The following COL26A1 variants were observed in gnomAD, a reference collection of about 807,000 sequenced individuals.
The protein encoded by COL26A1 is collagen alpha-1(XXVI) chain.
A neutral mutation model predicts 59.3 loss-of-function variants in COL26A1; 41 were observed. That is an observed-to-expected ratio of 0.69 (90% confidence interval 0.54 to 0.90). COL26A1 has a LOEUF of 0.90. Ranked by LOEUF, COL26A1 falls within the 40% of genes least tolerant of loss-of-function variation. The pLI, the probability that COL26A1 is intolerant of heterozygous loss-of-function variation, is 0.00. For missense variants in COL26A1, 612 were observed against 602.3 expected (o/e 1.02, Z -0.17); for synonymous variants, 266 against 256.0 (o/e 1.04, Z -0.37).
chr7:101,555,933 T>A, intron 12 of COL26A1, 62 bp downstream of exon 12: 1 of 1,387,516 alleles, frequency 7.2e-7, no homozygotes, highest in Non-Finnish European at 1.0e-6. Flanking sequence ...CTCCCAATGC[T>A]GCCCTCATGG....
chr7:101,404,903 AAAAT>A lies in COL26A1; in HGVS notation c.159-15062_159-15059del, dbSNP rs200178585. ...GGTCACAGAGTGAGATTTTGTCTCC[AAAAT>A]AAATAAATAAACAAATAAATAATTG... On this transcript the variant is annotated intron_variant, in intron 1 of 12. Transcript: ENST00000313669. Among the ~76,000 whole-genome samples the A allele has an allele frequency of 2.6e-4, 40 of 151,116 alleles. 2 individuals are homozygous for A. Among genetic ancestry groups the A allele is most frequent in the African/African-American group, 7.3e-4 (30 of 41,114 alleles).
chr7:101,558,443 G>A lies in COL26A1; in HGVS notation c.*913G>A, dbSNP rs1324023964. ...GCATTTCATGGGCATGTCTATCAGA[G>A]GTGGGACTTGCAGCCTCTGCCCCAC... On this transcript the variant is annotated 3_prime_UTR_variant, in exon 13 of 13. Coordinates refer to ENST00000313669, the MANE Select transcript of COL26A1 (RefSeq NM_001278563.3). 6.6e-6 allele frequency: 1 copy of A among 152,278 alleles called. No individual in the cohort carries two copies. The highest frequency in any genetic ancestry group is 1.9e-4 in the East Asian group (1 of 5,196). 9.4% of individuals were successfully genotyped at this position (152,278 alleles called of 1,614,324 possible). A position where few individuals can be genotyped will look rare whatever the true frequency, so the allele number is the denominator to read the frequency against.
intron 1 of COL26A1, among the ~76,000 whole-genome samples, chr7:101,396,452 CA>C (rs1791856642): frequency 6.6e-6 from 1 of 151,988 alleles, no homozygotes; most frequent in Non-Finnish European, 1.5e-5. Flanking sequence ...CTGACAATTC[CA>C]GAGCTGTTAA....
chr7:101,385,367 G>GTATATATATATATATATATA lies in COL26A1; in HGVS notation c.158+22196_158+22197insATATATATATATATATATAT, dbSNP rs373941775. ...TATATATATGTGTATATATATGTGT[G>GTATATATATATATATATATA]TATATATATATATATATATTTGTGA... On this transcript the variant is annotated intron_variant, in intron 1 of 12. Transcript: ENST00000313669. Among the ~76,000 whole-genome samples, 1,062 of 136,902 alleles carry GTATATATATATATATATATA rather than the reference G, an allele frequency of 7.8e-3. 22 individuals carry two copies. Among genetic ancestry groups the GTATATATATATATATATATA allele is most frequent in the Non-Finnish European group, 0.011 (698 of 61,182 alleles). 89.8% of individuals were successfully genotyped at this position (136,902 alleles called of 152,430 possible). A position where few individuals can be genotyped will look rare whatever the true frequency, so the allele number is the denominator to read the frequency against.
chr7:101,487,670 A>G (rs965614910), intron 3 of COL26A1, among the ~76,000 whole-genome samples: 7 of 151,716 alleles, frequency 4.6e-5, no homozygotes, highest in Non-Finnish European at 1.0e-4. Flanking sequence ...ACCCTCGGCC[A>G]CTCTGGCCAC....
chr7:101,508,665 C>A (rs896907366), intron 3 of COL26A1, among the ~76,000 whole-genome samples: 1 of 152,048 alleles, frequency 6.6e-6, no homozygotes, highest in African/African-American at 2.4e-5. Context: ...TTACAGGAAC[C>A]CTCAGAGGAT....
At chr7:101,384,728 A>G (rs1445705435) in intron 1 of COL26A1, among the ~76,000 whole-genome samples, 1 of 152,170 alleles carries the variant, frequency 6.6e-6, no homozygotes, top group Non-Finnish European at 1.5e-5. Context: ...GTATATATGA[A>G]AGGGAGTTGA....
At position 101,385,879 on chromosome 7, in the gene COL26A1, T is replaced by G. The variant is rs919066649; in HGVS notation, c.158+22689T>G. Among the ~76,000 whole-genome samples the G allele has an allele frequency of 2.6e-5, 4 of 151,868 alleles. No homozygotes were observed. The East Asian group carries it at 7.8e-4, about 30-fold the overall frequency. On this transcript the variant is annotated intron_variant, in intron 1 of 12. Coordinates refer to ENST00000313669, the MANE Select transcript of COL26A1 (RefSeq NM_001278563.3). ...ACCACCACGCCCGGCTAATTTTTTG[T>G]ATTTTTAGTAGAGACCGGATGTTAG...
chr7:101,447,862 TC>T (rs1316333485), intron 3 of COL26A1, 75 bp downstream of exon 3: 2 of 867,418 alleles, frequency 2.3e-6, no homozygotes, highest in Non-Finnish European at 3.8e-6. Flanking sequence ...TCTGGCCTCC[TC>T]CTGCAAGCAG....
At chr7:101,384,005 C>A (rs1791507298) in intron 1 of COL26A1, among the ~76,000 whole-genome samples, 1 of 140,368 alleles carries the variant, frequency 7.1e-6, no homozygotes, top group Non-Finnish European at 1.5e-5. Context: ...ATATTTTTTG[C>A]AAGTTTGTTT....
Position 101,465,069 on chromosome 7 carries a change from A to T in COL26A1, c.385+17282A>T, listed in dbSNP as rs1249553613. ...TTTTTTTTTGTTGGGACAGAGTCTC[A>T]TTCTGTTGCCCAGGCTGGAATGTGG... is the stretch of plus-strand genomic sequence containing the variant. On this transcript the variant is annotated intron_variant, in intron 3 of 12. Coordinates refer to ENST00000313669, the MANE Select transcript of COL26A1 (RefSeq NM_001278563.3). 6.7e-4 allele frequency among the ~76,000 whole-genome samples: 88 copies of T among 130,502 alleles called. 1 individual carries two copies. Among genetic ancestry groups the T allele is most frequent in the African/African-American group, 2.3e-3 (77 of 33,876 alleles). The allele number at this position is 130,502 out of a possible 152,430, so 85.6% of individuals were successfully genotyped here. A position where few individuals can be genotyped will look rare whatever the true frequency, so the allele number is the denominator to read the frequency against.
rs982332664 is a variant in COL26A1, at chr7:101,558,706, C to G, written c.*1176C>G. The G allele has an allele frequency of 1.3e-5, 2 of 152,210 alleles. No homozygotes were observed. The highest frequency in any genetic ancestry group is 2.4e-5 in the African/African-American group (1 of 41,434). The allele number at this position is 152,210 out of a possible 1,614,324, so 9.4% of individuals were successfully genotyped here. ...TCAAGGCCTCTGGGGCCAGGGTCTC[C>G]GTGATCAGCTCAGCCCTGGTGTTCC... On this transcript the variant is annotated 3_prime_UTR_variant, in exon 13 of 13. Coordinates refer to ENST00000313669, the MANE Select transcript of COL26A1 (RefSeq NM_001278563.3).
Position 101,533,161 on chromosome 7 carries a change from G to T in COL26A1, c.447+18G>T. ...AGGCCAAGGTCAGTCGGGCTGGGGA[G>T]TCTGGGCCTGGGGAGCTGCCTGGGG... On this transcript the variant is annotated intron_variant, in intron 4 of 12. Transcript: ENST00000313669. 3 of 1,586,408 alleles carry T rather than the reference G, an allele frequency of 1.9e-6. No homozygotes were observed.
At chr7:101,550,641 TG>T (rs970564259) in intron 9 of COL26A1, among the ~76,000 whole-genome samples, 316 of 147,810 alleles carry the variant, frequency 2.1e-3, no homozygotes, top group African/African-American at 8.0e-3. Context: ...GGCTTCGGGA[TG>T]GGGGGCACCA....
At chr7:101,482,056 AC>A (rs1293128406) in intron 3 of COL26A1, among the ~76,000 whole-genome samples, 1 of 150,536 alleles carries the variant, frequency 6.6e-6, no homozygotes, top group Non-Finnish European at 1.5e-5. Context: ...TCACTCTGTC[AC>A]CCAGGCTGGA....
intron 2 of COL26A1, among the ~76,000 whole-genome samples, chr7:101,433,972 A>G (rs1430572101): frequency 6.6e-6 from 1 of 151,506 alleles, no homozygotes; most frequent in Non-Finnish European, 1.5e-5. Context: ...GTGAGATGAA[A>G]GGAAAATAGG....
Position 101,448,186 on chromosome 7 carries a change from C to T in COL26A1, c.385+399C>T, listed in dbSNP as rs117140738. On this transcript the variant is annotated intron_variant, in intron 3 of 12. Transcript: ENST00000313669. ...GATGAGGTCCCACCAGCCTTGAGGC[C>T]ACGTATTTTGTAGACTGAGACAGAG... Among the ~76,000 whole-genome samples, 379 of 152,334 alleles carry T rather than the reference C, an allele frequency of 2.5e-3. 8 individuals are homozygous for T. The East Asian group carries it at 0.049, about 20-fold the overall frequency.
At chr7:101,455,503 C>CTTTTTTTTTTTTTT (rs10690062) in intron 3 of COL26A1, among the ~76,000 whole-genome samples, 1 of 116,566 alleles carries the variant, frequency 8.6e-6, no homozygotes, top group Non-Finnish European at 1.7e-5. Context: ...CTTTTCTTTT[C>CTTTTTTTTTTTTTT]TTTTTTTTTT....
chr7:101,492,337 A>G (rs1467688508), intron 3 of COL26A1, among the ~76,000 whole-genome samples: 1 of 152,126 alleles, frequency 6.6e-6, no homozygotes, highest in Non-Finnish European at 1.5e-5. Context: ...TGGTGGGCAA[A>G]CCATGGCCAT....
Sources: allele counts gnomAD v4.1 joint callset (sites outside exome capture counted in the v4.1 genomes callset), GRCh38; gene constraint gnomAD v4.1.1; transcripts MANE v1.5; gene names NCBI Gene and HGNC (gene_info 2026-07-23, HGNC 2026-07-21).